Variants in HS3ST5 observed in about 807,000 individuals in gnomAD.
HS3ST5 encodes heparan sulfate-glucosamine 3-sulfotransferase 5, also known as heparan sulfate glucosamine 3-O-sulfotransferase 5.
HS3ST5 carries 10 observed loss-of-function variants against 25.4 expected under a neutral mutation model. The observed-to-expected ratio is 0.39, with a 90% confidence interval of 0.24 to 0.67. HS3ST5 has a LOEUF of 0.67. HS3ST5 is among the 30% of genes least tolerant of loss of function. The probability of loss-of-function intolerance (pLI) is 0.44; values close to 1 mark genes in which losing one functional copy is unlikely to be tolerated. For missense variants in HS3ST5, 324 were observed against 420.7 expected, an observed-to-expected ratio of 0.77 and a Z score of 2.01; for synonymous variants, 170 against 162.4, an observed-to-expected ratio of 1.05 and a Z score of -0.36.
chr6:114,231,593 G>C (rs7749763), intron 1 of HS3ST5, among the ~76,000 whole-genome samples: 147,418 of 152,114 alleles, frequency 0.97, 71,613 homozygotes, highest in Non-Finnish European at 1. Flanking sequence ...CTTTCTGAAC[G>C]CTCTAGGTGG....
At chr6:114,286,721 T>C (rs1179981824) in intron 1 of HS3ST5, among the ~76,000 whole-genome samples, 1 of 152,034 alleles carries the variant, frequency 6.6e-6, no homozygotes, top group Non-Finnish European at 1.5e-5. Context: ...ATTTTGCTTT[T>C]CTCATTTTCT....
In HS3ST5 at chr6:114,084,836, T is replaced by TTC. The variant is rs1243439642; in HGVS notation, c.-32-21960_-32-21959insGA. 2.5e-4 allele frequency: 120 copies of TTC among 477,614 alleles called. No homozygotes were observed. In the East Asian group the frequency reaches 3.7e-3, roughly 15 times the overall value. The allele number at this position is 477,614 out of a possible 1,614,324, so 29.6% of individuals were successfully genotyped here. A position where few individuals can be genotyped will look rare whatever the true frequency, so the allele number is the denominator to read the frequency against. On this transcript the variant is annotated intron_variant, in intron 3 of 4. Coordinates refer to ENST00000312719, the MANE Select transcript of HS3ST5 (RefSeq NM_153612.4). ...AATTTCTTTTTTCTTTTCTTTTCTT[T>TTC]TTTTTTTTTTTTTTGAGACGGAGTC...
chr6:114,117,603 A>G (rs2114866204), intron 3 of HS3ST5, among the ~76,000 whole-genome samples: 1 of 152,326 alleles, frequency 6.6e-6, no homozygotes, highest in Non-Finnish European at 1.5e-5. Flanking sequence ...AGTATTGTTT[A>G]TAAATTGGCC....
intron 3 of HS3ST5, among the ~76,000 whole-genome samples, chr6:114,140,717 T>C (rs1207766156): frequency 1.3e-5 from 2 of 152,212 alleles, no homozygotes; most frequent in East Asian, 3.9e-4. Context: ...CAGAGAGGGC[T>C]GCTCTGAGAT....
At chr6:114,127,819 T>C (rs1777117761) in intron 3 of HS3ST5, among the ~76,000 whole-genome samples, 1 of 150,638 alleles carries the variant, frequency 6.6e-6, no homozygotes. Flanking sequence ...CTAAGTGAAA[T>C]CATTCAGTCA....
chr6:114,191,820 T>G (rs1441832858), intron 2 of HS3ST5, among the ~76,000 whole-genome samples: 1 of 152,158 alleles, frequency 6.6e-6, no homozygotes. Context: ...ACCGCTTGAT[T>G]AGATTCCTTA....
chr6:114,090,295 A>C (rs1582588753), intron 3 of HS3ST5, among the ~76,000 whole-genome samples: 1 of 152,176 alleles, frequency 6.6e-6, no homozygotes, highest in African/African-American at 2.4e-5. Flanking sequence ...TAATTTGGCA[A>C]TCTGGTTTAT....
At chr6:114,271,240 A>G (rs1021844320) in intron 1 of HS3ST5, among the ~76,000 whole-genome samples, 2 of 152,058 alleles carry the variant, frequency 1.3e-5, no homozygotes, top group African/African-American at 4.8e-5. Context: ...TTGTTTCTCA[A>G]TTGATCATGG....
chr6:114,230,392 C>T (rs1771525544), intron 1 of HS3ST5: 3 of 152,074 alleles, frequency 2.0e-5, no homozygotes, highest in Admixed American at 2.0e-4. Context: ...TCTTATCTCA[C>T]AAAGTCTTGT....
chr6:114,195,877 A>G (rs1269558082), intron 2 of HS3ST5, among the ~76,000 whole-genome samples: 1 of 152,150 alleles, frequency 6.6e-6, no homozygotes, highest in Non-Finnish European at 1.5e-5. Flanking sequence ...TGTCTAAGAC[A>G]TGCCCTCAAT....
At chr6:114,278,615 T>G (rs750510478) in intron 1 of HS3ST5, among the ~76,000 whole-genome samples, 1 of 152,006 alleles carries the variant, frequency 6.6e-6, no homozygotes, top group Non-Finnish European at 1.5e-5. Context: ...TTTGGTCAGC[T>G]GCATTCTGAT....
At chr6:114,318,030 C>T (rs1775813347) in intron 1 of HS3ST5, among the ~76,000 whole-genome samples, 2 of 152,140 alleles carry the variant, frequency 1.3e-5, no homozygotes, top group Admixed American at 1.3e-4. Flanking sequence ...AGCTCTTACG[C>T]ATACAACTGG....
At chr6:114,192,501 A>G (rs1043637626) in intron 2 of HS3ST5, among the ~76,000 whole-genome samples, 4 of 152,202 alleles carry the variant, frequency 2.6e-5, no homozygotes, top group African/African-American at 7.2e-5. Flanking sequence ...TTTTATTTTA[A>G]TCACCTCTTC....
At chr6:114,306,128 A>G (rs1240623950) in intron 1 of HS3ST5, among the ~76,000 whole-genome samples, 1 of 151,756 alleles carries the variant, frequency 6.6e-6, no homozygotes, top group Non-Finnish European at 1.5e-5. Context: ...TGACTATTAA[A>G]AAATGTTCAA....
intron 3 of HS3ST5, among the ~76,000 whole-genome samples, chr6:114,092,563 C>T (rs1249643421): frequency 2.0e-5 from 3 of 151,504 alleles, no homozygotes. Flanking sequence ...AAGTTGGCAG[C>T]CATTTTGGTT....
At chr6:114,133,141 G>A (rs935465849) in intron 3 of HS3ST5, among the ~76,000 whole-genome samples, 4 of 151,954 alleles carry the variant, frequency 2.6e-5, no homozygotes, top group Non-Finnish European at 4.4e-5. Context: ...TGATGTTCTT[G>A]CACAGATCTC....
chr6:114,335,057 G>A (rs760265733), intron 1 of HS3ST5, among the ~76,000 whole-genome samples: 5 of 152,082 alleles, frequency 3.3e-5, no homozygotes, highest in Non-Finnish European at 5.9e-5. Context: ...GAAAATACTT[G>A]GGGGCTAACT....
At chr6:114,301,901 GA>G (rs1284247001) in intron 1 of HS3ST5, among the ~76,000 whole-genome samples, 1 of 152,124 alleles carries the variant, frequency 6.6e-6, no homozygotes, top group African/African-American at 2.4e-5. Flanking sequence ...GGCTTTTTAA[GA>G]AGAAAAAATA....
chr6:114,154,384 G>A (rs1398225771), intron 3 of HS3ST5, among the ~76,000 whole-genome samples: 1 of 152,146 alleles, frequency 6.6e-6, no homozygotes, highest in African/African-American at 2.4e-5. Flanking sequence ...GAGACTGAGT[G>A]TGGTGGCTCA....
Sources: gnomAD v4.1 joint callset for allele counts (sites outside exome capture counted in the v4.1 genomes callset) on GRCh38, gnomAD v4.1.1 for gene constraint, MANE v1.5 for transcripts, NCBI Gene and HGNC (gene_info 2026-07-23, HGNC 2026-07-21) for gene names.